The following ZNF248 variants were observed in gnomAD, a reference collection of about 807,000 sequenced individuals.
The protein encoded by ZNF248 is KRAB protein domain.
In ZNF248, 20 loss-of-function variants were observed where a neutral mutation model predicts 44.3. That is an observed-to-expected ratio of 0.45 (90% CI 0.32 to 0.66). ZNF248 has a LOEUF of 0.66. Among genes scored for constraint, ZNF248 ranks in the 30% least tolerant of loss-of-function variants. ZNF248 has a pLI of 0.04. For synonymous variants in ZNF248, 224 were observed against 229.0 expected (o/e 0.98, Z 0.20); for missense variants, 654 against 677.0 (o/e 0.97, Z 0.38).
the ZNF248 span, among the ~76,000 whole-genome samples, chr10:37,770,667 C>A: frequency 6.6e-6 from 1 of 152,146 alleles, no homozygotes; most frequent in Non-Finnish European, 1.5e-5. Context: ...ACCATAAAAA[C>A]CCTAGAAGAA....
intron 6 of ZNF248, chr10:37,820,644 C>G (rs1040057245): frequency 1.3e-6 from 2 of 1,520,456 alleles, no homozygotes; most frequent in East Asian, 4.5e-5. Flanking sequence ...TCATGTGGTT[C>G]GGCTTTTCTT....
chr10:37,787,558 C>G (rs2048026564), intron 6 of ZNF248, among the ~76,000 whole-genome samples: 1 of 150,972 alleles, frequency 6.6e-6, no homozygotes, highest in South Asian at 2.1e-4. Context: ...GACAAAAGTG[C>G]CAAGATACTT....
At chr10:37,820,035 T>A (rs1301834668) in intron 6 of ZNF248, 2 of 806,244 alleles carry the variant, frequency 2.5e-6, no homozygotes, top group South Asian at 1.4e-5. Context: ...ATGAGGACTT[T>A]CTTGCTCATT....
At chr10:37,780,770 C>T (rs906911231) in intron 6 of ZNF248, among the ~76,000 whole-genome samples, 36 of 152,162 alleles carry the variant, frequency 2.4e-4, no homozygotes, top group African/African-American at 6.5e-4. Context: ...ACCCCGCCCC[C>T]GCTCCCACTG....
At chr10:37,813,422 C>G (rs577859253) in intron 6 of ZNF248, among the ~76,000 whole-genome samples, 1 of 152,146 alleles carries the variant, frequency 6.6e-6, no homozygotes, top group South Asian at 2.1e-4. Context: ...CGTGTGTTTG[C>G]CTCTCCTGCC....
chr10:37,801,076 A>G (rs117240938), intron 6 of ZNF248, among the ~76,000 whole-genome samples: 1 of 151,638 alleles, frequency 6.6e-6, no homozygotes, highest in African/African-American at 2.4e-5. Context: ...CAACATTTTT[A>G]AAAAAATATC....
At chr10:37,837,829 G>T in intron 4 of ZNF248, 117 bp from the exon 5 acceptor site, 1 of 1,355,276 alleles carries the variant, frequency 7.4e-7, no homozygotes, top group Non-Finnish European at 1.0e-6. Flanking sequence ...GTGCACAAAT[G>T]AACCAATCTC....
the ZNF248 span, among the ~76,000 whole-genome samples, chr10:37,766,825 C>T: frequency 5.9e-4 from 90 of 152,106 alleles, no homozygotes; most frequent in Middle Eastern, 0.01. Context: ...CAAATTACTC[C>T]GAGCTACAGG....
intron 6 of ZNF248, among the ~76,000 whole-genome samples, chr10:37,777,288 G>T (rs950006789): frequency 6.6e-6 from 1 of 152,168 alleles, no homozygotes; most frequent in Admixed American, 6.5e-5. Flanking sequence ...CTTCACCAGC[G>T]TTGCAACTCC....
intron 6 of ZNF248, chr10:37,819,321 A>C (rs2053079634): frequency 1.9e-6 from 2 of 1,067,714 alleles, no homozygotes; most frequent in Non-Finnish European, 2.9e-6. Context: ...GTATCCAGTG[A>C]AAAGTAATCA....
Position 37,830,938 on chromosome 10 carries a change from C to T in ZNF248, c.*677G>A, listed in dbSNP as rs141458210. 27 of 365,644 alleles carry T rather than the reference C, an allele frequency of 7.4e-5. No individual in the cohort carries two copies. Among genetic ancestry groups the T allele is most frequent in the Non-Finnish European group, 9.0e-5 (23 of 254,678 alleles). The allele number at this position is 365,644 out of a possible 1,614,324, so 22.6% of individuals were successfully genotyped here. Reference sequence around the variant, plus strand: ...ATGACTGCTTTTAATAACTGGCTCACAAAATTCCTTAAAATTTAACAATCA... The same window carrying T: ...ATGACTGCTTTTAATAACTGGCTCATAAAATTCCTTAAAATTTAACAATCA... On this transcript the variant is annotated 3_prime_UTR_variant, in exon 6 of 6. Coordinates refer to ENST00000395867, the MANE Select transcript of ZNF248 (RefSeq NM_021045.3).
chr10:37,831,772 G>T lies in ZNF248; in HGVS notation c.1583C>A (p.Thr528Asn), dbSNP rs1326436042. Residue 528 changes from threonine (T) to asparagine (N), a missense_variant, in exon 6 of 6, where the codon ACC (threonine) becomes AAC (asparagine). Thr to Asn is a moderately conservative substitution (Grantham distance 65, BLOSUM62 0). Coordinates refer to ENST00000395867, the MANE Select transcript of ZNF248 (RefSeq NM_021045.3). ...AGTGAGAGCTGATTTTTCACAGAAGGTTTTCCCACATTCATTACACTTATA... is the reference window on the plus strand; with the variant it reads ...AGTGAGAGCTGATTTTTCACAGAAGTTTTTCCCACATTCATTACACTTATA... Reference protein sequence around the residue: ...KPYKCNECGKTFCEKSALTKH... With the variant: ...KPYKCNECGKNFCEKSALTKH... The T allele has an allele frequency of 6.2e-7, 1 of 1,613,220 alleles. No individual in the cohort carries two copies. The highest frequency in any genetic ancestry group is 8.5e-7 in the Non-Finnish European group (1 of 1,179,304).
At chr10:37,838,297 T>C (rs1251495401) in intron 3 of ZNF248, among the ~76,000 whole-genome samples, 186 bp from the exon 4 acceptor site, 1 of 152,220 alleles carries the variant, frequency 6.6e-6, no homozygotes, top group Non-Finnish European at 1.5e-5. Flanking sequence ...GGAATTGTGC[T>C]AGCTGCTGCA....
chr10:37,820,745 G>C (rs1564532289), intron 6 of ZNF248: 1 of 1,306,038 alleles, frequency 7.7e-7, no homozygotes, highest in East Asian at 2.3e-5. Context: ...CTGGTTGGAA[G>C]ACTCACTATT....
At chr10:37,784,375 G>A (rs942663776) in intron 6 of ZNF248, among the ~76,000 whole-genome samples, 15 of 152,116 alleles carry the variant, frequency 9.9e-5, no homozygotes, top group Admixed American at 8.5e-4. Context: ...CTTATTAGGC[G>A]CCAGAGCCTT....
At chr10:37,766,996 A>G in the ZNF248 span, among the ~76,000 whole-genome samples, 1 of 152,234 alleles carries the variant, frequency 6.6e-6, no homozygotes, top group Non-Finnish European at 1.5e-5. Context: ...TCAGGAGCCG[A>G]TGCAATCAAC....
At chr10:37,791,421 A>C (rs998464911) in intron 6 of ZNF248, among the ~76,000 whole-genome samples, 1 of 152,118 alleles carries the variant, frequency 6.6e-6, no homozygotes, top group South Asian at 2.1e-4. Context: ...ATGTGAGTAA[A>C]GCCTTGGCAG....
chr10:37,850,782 C>T (rs1168101253), intron 3 of ZNF248, among the ~76,000 whole-genome samples: 1 of 152,010 alleles, frequency 6.6e-6, no homozygotes, highest in African/African-American at 2.4e-5. Flanking sequence ...TCAATCTAAA[C>T]CTCATACCTT....
chr10:37,830,444 G>C lies in ZNF248; in HGVS notation c.*1171C>G, dbSNP rs1053975611. The C allele has an allele frequency of 2.0e-6, 2 of 985,248 alleles. No homozygotes were observed. Among genetic ancestry groups the C allele is most frequent in the African/African-American group, 3.5e-5 (2 of 57,208 alleles). 61.0% of individuals were successfully genotyped at this position (985,248 alleles called of 1,614,324 possible). On this transcript the variant is annotated 3_prime_UTR_variant, in exon 6 of 6. Transcript: ENST00000395867. ...GCCAACCTACAAAGAGACTCCGGTA[G>C]TATTTAGAGTAGGACAGATTCAGAG...
Sources: gnomAD v4.1 joint callset for allele counts (sites outside exome capture counted in the v4.1 genomes callset) on GRCh38, gnomAD v4.1.1 for gene constraint, MANE v1.5 for transcripts, NCBI Gene and HGNC (gene_info 2026-07-23, HGNC 2026-07-21) for gene names.